The following CTNNBL1 variants were observed in gnomAD, a reference collection of about 807,000 sequenced individuals.
CTNNBL1 encodes the protein beta-catenin-like protein 1.
A neutral mutation model predicts 72.7 loss-of-function variants in CTNNBL1; 31 were observed. That is an observed-to-expected ratio of 0.43 (90% CI 0.32 to 0.58). The LOEUF (loss-of-function observed/expected upper bound fraction) is 0.58, where lower values mean the gene tolerates loss of function less well. Ranked by LOEUF, CTNNBL1 falls within the 20% of genes least tolerant of loss-of-function variation. The probability of loss-of-function intolerance (pLI) is 0.08; values close to 1 mark genes in which losing one functional copy is unlikely to be tolerated. For synonymous variants in CTNNBL1, 240 were observed against 267.3 expected, an observed-to-expected ratio of 0.90 and a Z score of 1.00; for missense variants, 534 against 725.1, an observed-to-expected ratio of 0.74 and a Z score of 3.03.
At chr20:37,779,490 G>A (rs1160305594) in intron 10 of CTNNBL1, among the ~76,000 whole-genome samples, 155 bp downstream of exon 10, 4 of 152,084 alleles carry the variant, frequency 2.6e-5, no homozygotes, top group Admixed American at 6.6e-5. Flanking sequence ...GGATGTGTTT[G>A]TATAGGTATG....
chr20:37,846,432 T>C (rs183420378), intron 13 of CTNNBL1, among the ~76,000 whole-genome samples: 1 of 152,220 alleles, frequency 6.6e-6, no homozygotes, highest in Admixed American at 6.5e-5. Flanking sequence ...CCTTATTTTC[T>C]TTCTGGATGG....
intron 4 of CTNNBL1, chr20:37,751,200 T>C (rs962444339): frequency 2.7e-4 from 41 of 152,092 alleles, no homozygotes; most frequent in African/African-American, 8.9e-4. Context: ...GCCTTTATTC[T>C]TTAATAATAA....
At chr20:37,818,844 T>C (rs1417274158) in intron 11 of CTNNBL1, among the ~76,000 whole-genome samples, 7 of 152,180 alleles carry the variant, frequency 4.6e-5, no homozygotes. Context: ...ATATAGTTAA[T>C]GATTGTGAAA....
chr20:37,737,457 G>A lies in CTNNBL1; in HGVS notation c.299G>A (p.Arg100Gln), dbSNP rs144576870. The change falls in exon 3 of 16, where the codon CGG becomes CAG. Residue 100 changes from arginine to glutamine, a missense_variant. Transcript: ENST00000361383. ...EKRSYKNQELRIKFPDNPEKF... is the reference protein window; with the variant it reads ...EKRSYKNQELQIKFPDNPEKF... Reference sequence around the variant, plus strand: ...AGATCATATAAAAACCAAGAATTGCGGATTAAGTTTCCAGACAATCCAGAG... The same window carrying A: ...AGATCATATAAAAACCAAGAATTGCAGATTAAGTTTCCAGACAATCCAGAG... 13 of 1,612,120 alleles carry A rather than the reference G, an allele frequency of 8.1e-6. No individual in the cohort carries two copies. The highest frequency in any genetic ancestry group is 6.6e-5 in the South Asian group (6 of 90,916).
intron 3 of CTNNBL1, among the ~76,000 whole-genome samples, chr20:37,743,352 G>A (rs951436767): frequency 3.3e-5 from 5 of 151,858 alleles, no homozygotes; most frequent in African/African-American, 1.2e-4. Context: ...GAATCCTTCT[G>A]CACCAGCCTT....
intron 2 of CTNNBL1, among the ~76,000 whole-genome samples, chr20:37,734,270 C>T (rs1357081246): frequency 2.0e-5 from 3 of 152,178 alleles, no homozygotes; most frequent in Non-Finnish European, 4.4e-5. Context: ...TTGGGGGTCT[C>T]CCGCTAAAAG....
At chr20:37,727,413 A>T (rs2073094380) in intron 1 of CTNNBL1, 2 of 918,494 alleles carry the variant, frequency 2.2e-6, no homozygotes, top group Admixed American at 1.2e-4. Context: ...GTGAGTGGGA[A>T]TCCTTTATCC....
chr20:37,791,592 A>G (rs1224153019), intron 10 of CTNNBL1, among the ~76,000 whole-genome samples: 1 of 152,124 alleles, frequency 6.6e-6, no homozygotes, highest in Non-Finnish European at 1.5e-5. Flanking sequence ...TTTATATATT[A>G]TATGGTTTAT....
At chr20:37,815,565 C>G (rs1325183439) in intron 11 of CTNNBL1, among the ~76,000 whole-genome samples, 2 of 151,786 alleles carry the variant, frequency 1.3e-5, no homozygotes, top group Admixed American at 1.3e-4. Context: ...TGATCTGCCC[C>G]CCTCGGCCTC....
chr20:37,828,407 C>T (rs1028058804), intron 11 of CTNNBL1, among the ~76,000 whole-genome samples: 6 of 151,886 alleles, frequency 4.0e-5, no homozygotes, highest in Non-Finnish European at 7.4e-5. Context: ...TAAAAATATG[C>T]CTATTGGGTA....
chr20:37,855,106 CAAA>C (rs34429259), intron 13 of CTNNBL1, among the ~76,000 whole-genome samples: 1,626 of 130,758 alleles, frequency 0.012, 8 homozygotes, highest in East Asian at 0.018. Flanking sequence ...TCTAATAAGC[CAAA>C]AAAAAAAAAA....
chr20:37,729,173 C>T (rs1463424271), intron 1 of CTNNBL1, among the ~76,000 whole-genome samples: 1 of 152,196 alleles, frequency 6.6e-6, no homozygotes, highest in East Asian at 1.9e-4. Context: ...GATGCCCTGT[C>T]TCAGTTAGGG....
chr20:37,754,453 G>T (rs6063547), intron 4 of CTNNBL1, among the ~76,000 whole-genome samples: 21,374 of 151,780 alleles, frequency 0.14, 2,021 homozygotes, highest in East Asian at 0.35. Context: ...CTCCACAGTG[G>T]GTGGATGGGT....
At chr20:37,726,638 C>T (rs971636998) in intron 1 of CTNNBL1, among the ~76,000 whole-genome samples, 5 of 152,196 alleles carry the variant, frequency 3.3e-5, no homozygotes, top group African/African-American at 9.7e-5. Context: ...GTTAGCCAAG[C>T]TCCTAAGTTC....
At chr20:37,772,166 A>G (rs1332569184) in intron 7 of CTNNBL1, among the ~76,000 whole-genome samples, 2 of 152,196 alleles carry the variant, frequency 1.3e-5, no homozygotes, top group Non-Finnish European at 2.9e-5. Context: ...TCTAAATTTT[A>G]TAATTACAAG....
intron 13 of CTNNBL1, among the ~76,000 whole-genome samples, chr20:37,844,591 C>G (rs906867641): frequency 6.6e-6 from 1 of 152,142 alleles, no homozygotes; most frequent in Admixed American, 6.5e-5. Flanking sequence ...GCTTTGTTTT[C>G]TCATCTGTAA....
At chr20:37,822,748 T>C (rs1450783298) in intron 11 of CTNNBL1, among the ~76,000 whole-genome samples, 2 of 152,204 alleles carry the variant, frequency 1.3e-5, no homozygotes, top group Non-Finnish European at 2.9e-5. Flanking sequence ...ATAACCTCTC[T>C]GGGCCTTATT....
chr20:37,859,368 AAAAAG>A (rs1471285827), intron 13 of CTNNBL1, among the ~76,000 whole-genome samples: 4 of 151,934 alleles, frequency 2.6e-5, no homozygotes, highest in African/African-American at 4.8e-5. Context: ...AAAAAAAAAA[AAAAAG>A]AAAAGAAAAT....
Position 37,860,274 on chromosome 20 carries a change from T to A in CTNNBL1, c.1533T>A (p.Ile511=), listed in dbSNP as rs2072480575. 1.9e-6 allele frequency: 3 copies of A among 1,613,832 alleles called. No homozygotes were observed. Among genetic ancestry groups the A allele is most frequent in the Non-Finnish European group, 2.5e-6 (3 of 1,179,826 alleles). ...AEICNANVPQ[I]RQRVHQILNM... is the part of the protein sequence containing the mutation. ...CTACCCATTTTTTCCCTTATTAGAT[T>A]CGCCAGAGGGTTCACCAGATCCTAA... Residue 511 remains isoleucine, a splice_region_variant and synonymous_variant, in exon 15 of 16, where the codon ATT becomes ATA. Transcript: ENST00000361383.
Sources: allele counts gnomAD v4.1 joint callset (sites outside exome capture counted in the v4.1 genomes callset), GRCh38; gene constraint gnomAD v4.1.1; transcripts MANE v1.5; gene names NCBI Gene and HGNC (gene_info 2026-07-23, HGNC 2026-07-21).